NCL: variants seen among roughly 807,000 people sequenced by gnomAD.
NCL encodes nucleolin multifunctional protein.
NCL carries 4 observed loss-of-function variants against 77.7 expected under a neutral mutation model. The observed-to-expected ratio is 0.05, with a 90% confidence interval of 0.03 to 0.12. The LOEUF is 0.12. NCL is among the 10% of genes least tolerant of loss of function. The probability of loss-of-function intolerance (pLI) is 1.00; values close to 1 mark genes in which losing one functional copy is unlikely to be tolerated. For missense variants in NCL, 763 were observed against 860.9 expected, an observed-to-expected ratio of 0.89 and a Z score of 1.42; for synonymous variants, 344 against 297.8, an observed-to-expected ratio of 1.16 and a Z score of -1.60.
rs761115578 is a variant in NCL at position 231,455,385 on chromosome 2, T to C, written c.2056+16A>G. On this transcript the variant is annotated intron_variant, in intron 13 of 13. Transcript: ENST00000322723. ...GAGCACATGCTATGTGGTGTCATTATCTCTGCGTGCCTTACCTCCAAAGCC... is the reference window on the plus strand; with the variant it reads ...GAGCACATGCTATGTGGTGTCATTACCTCTGCGTGCCTTACCTCCAAAGCC... The C allele has an allele frequency of 1.2e-5, 19 of 1,613,788 alleles. No individual in the cohort carries two copies. The highest frequency in any genetic ancestry group is 1.0e-4 in the Admixed American group (6 of 60,000).
chr2:231,464,249 T>C (rs1486347776), intron 1 of NCL, 87 bp downstream of exon 1: 1 of 1,524,586 alleles, frequency 6.6e-7, no homozygotes, highest in East Asian at 2.5e-5. Flanking sequence ...CGCCCGGGAC[T>C]GCGCGCAGGC....
intron 2 of NCL, among the ~76,000 whole-genome samples, chr2:231,462,729 CAA>C (rs1483080806): frequency 2.0e-5 from 3 of 151,748 alleles, no homozygotes; most frequent in Non-Finnish European, 2.9e-5. Flanking sequence ...AATGGTAACA[CAA>C]AGAGAGGTGG....
chr2:231,460,733 G>A lies in NCL; in HGVS notation c.747C>T (p.Asp249=), dbSNP rs140908312. The A allele has an allele frequency of 1.8e-5, 29 of 1,609,580 alleles. No homozygotes were observed. Among genetic ancestry groups the A allele is most frequent in the African/African-American group, 1.2e-4 (9 of 74,706 alleles). The change falls in exon 4 of 14, where the codon GAC becomes GAT. Residue 249 remains aspartate, a synonymous_variant. Transcript: ENST00000322723. The part of the protein sequence containing the change: ...EEDDEDEDDD[D]DEDDEDDDDE... ...CATCATCATCTTCATCATCTTCGTC[G>A]TCGTCGTCATCCTCGTCCTCATCAT...
In NCL at chr2:231,460,188, T is replaced by C. The variant is rs137967789; in HGVS notation, c.1004A>G (p.Asp335Gly). The C allele has an allele frequency of 6.2e-6, 10 of 1,613,854 alleles. No homozygotes were observed. The East Asian group carries it at 6.7e-5, about 11-fold the overall frequency. ...AATTCTGACATCCACAACAGCAAGA[T>C]CATTTTTAGCAAAAACATCGCTGAT... ...TGISDVFAKN[D>G]LAVVDVRIGM... The change falls in exon 6 of 14, where the codon GAT becomes GGT. Residue 335 changes from aspartate (D) to glycine (G), a missense_variant. Physicochemically the swap from Asp to Gly is moderately conservative, Grantham distance 94. This residue lies in a region of NCL where 590 missense variants were observed against 570.5 expected (regional missense o/e 1.03). Transcript: ENST00000322723.
At position 231,461,547 on chromosome 2, in the gene NCL, CTCATCG is replaced by C. The variant is rs752592102; in HGVS notation, c.600_605del (p.Asp200_Asp201del). 1.7e-4 allele frequency: 277 copies of C among 1,613,476 alleles called. No homozygotes were observed. The highest frequency in any genetic ancestry group is 1.6e-3 in the Middle Eastern group (10 of 6,062). On this transcript the variant is annotated inframe_deletion, in exon 3 of 14. Transcript: ENST00000322723. Reference sequence around the variant, plus strand: ...ACCAAGACAACTCCTTACCATCTTCCTCATCGTCATCGTCATCCTCATCATCTTCGT... The same window carrying C: ...ACCAAGACAACTCCTTACCATCTTCCTCATCGTCATCCTCATCATCTTCGT...
intron 9 of NCL, 175 bp from the exon 10 acceptor site, chr2:231,457,299 C>T: frequency 1.1e-6 from 1 of 921,848 alleles, no homozygotes; most frequent in Non-Finnish European, 1.7e-6. Context: ...GTACGTGTTG[C>T]AATGTCCTGC....
At chr2:231,456,204 C>G (rs2046886264) in intron 11 of NCL, 68 bp from the exon 12 acceptor site, 1 of 1,583,300 alleles carries the variant, frequency 6.3e-7, no homozygotes, top group East Asian at 2.2e-5. Flanking sequence ...TGCACAATGC[C>G]TAGTATGACT....
intron 8 of NCL, 35 bp from the exon 9 acceptor site, chr2:231,457,835 A>G: frequency 6.4e-7 from 1 of 1,557,656 alleles, no homozygotes; most frequent in Non-Finnish European, 8.7e-7. Context: ...TGGTTTTTAA[A>G]ACCATATTAA....
In NCL at chr2:231,461,580, A is replaced by G. The variant is rs923595835; in HGVS notation, c.573T>C (p.Asp191=). ...APASEDEDDE[D]DEDDEDDDDD... ...CATCGTCATCCTCATCATCTTCGTC[A>G]TCCTCATCGTCCTCATCCTCTGAGG... The change falls in exon 3 of 14, where the codon GAT becomes GAC. Residue 191 remains aspartate, a synonymous_variant. Coordinates refer to ENST00000322723, the MANE Select transcript of NCL (RefSeq NM_005381.3). 164 of 1,612,504 alleles carry G rather than the reference A, an allele frequency of 1.0e-4. No homozygotes were observed. The highest frequency in any genetic ancestry group is 1.3e-4 in the Non-Finnish European group (156 of 1,178,644).
At position 231,460,739 on chromosome 2, in the gene NCL, GTCATCCTCGTCC is replaced by G. The variant is rs1559542105; in HGVS notation, c.729_740del (p.Glu243_Asp246del). The G allele has an allele frequency of 1.2e-6, 2 of 1,609,124 alleles. No individual in the cohort carries two copies. Among genetic ancestry groups the G allele is most frequent in the Non-Finnish European group, 1.7e-6 (2 of 1,175,802 alleles). ...CATCTTCATCATCTTCGTCGTCGTC[GTCATCCTCGTCC>G]TCATCATCCTCTTCTTCATCTTCAT... On this transcript the variant is annotated inframe_deletion, in exon 4 of 14. Coordinates refer to ENST00000322723, the MANE Select transcript of NCL (RefSeq NM_005381.3).
Position 231,460,770 on chromosome 2 carries a change from T to A in NCL, c.710A>T (p.Asp237Val), listed in dbSNP as rs570952728. The change falls in exon 4 of 14, where the codon GAT becomes GTT. Residue 237 changes from aspartate (D) to valine (V), a missense_variant. Transcript: ENST00000322723. ...VKAKNVAEDEDEEEDDEDEDD... is the reference protein window; with the variant it reads ...VKAKNVAEDEVEEEDDEDEDD... ...CTCGTCCTCATCATCCTCTTCTTCA[T>A]CTTCATCCTCAGCCACGTTCTTGGC... 5 of 1,614,152 alleles carry A rather than the reference T, an allele frequency of 3.1e-6. No individual in the cohort carries two copies. In the African/African-American group the frequency reaches 6.7e-5, roughly 22 times the overall value.
chr2:231,458,929 T>A lies in NCL; in HGVS notation c.1165+72A>T, dbSNP rs74622963. On this transcript the variant is annotated intron_variant, in intron 7 of 13. Coordinates refer to ENST00000322723, the MANE Select transcript of NCL (RefSeq NM_005381.3). ...AAAAATAAGAGGAAACCAAGGGAAA[T>A]GGGTTACAAAGCATTTTCCCTAGCA... 1,778 of 1,379,528 alleles carry A rather than the reference T, an allele frequency of 1.3e-3. 29 individuals are homozygous for A. In the East Asian group the frequency reaches 0.039, roughly 30 times the overall value. The allele number at this position is 1,379,528 out of a possible 1,614,324, so 85.5% of individuals were successfully genotyped here.
At position 231,455,165 on chromosome 2, in the gene NCL, G is replaced by A. The variant is rs376614647; in HGVS notation, c.*26C>T. On this transcript the variant is annotated 3_prime_UTR_variant, in exon 14 of 14. Coordinates refer to ENST00000322723, the MANE Select transcript of NCL (RefSeq NM_005381.3). Reference sequence around the variant, plus strand: ...ACCCCAGAGTCCTTTCTTTCAAATGGAAAAGGGAAAGCAGAGGGACAGAAG... The same window carrying A: ...ACCCCAGAGTCCTTTCTTTCAAATGAAAAAGGGAAAGCAGAGGGACAGAAG... The A allele has an allele frequency of 6.1e-5, 98 of 1,613,562 alleles. No homozygotes were observed. The African/African-American group carries it at 1.2e-3, about 20-fold the overall frequency.
intron 1 of NCL, chr2:231,463,931 CG>C (rs1453612181): frequency 9.0e-6 from 2 of 221,934 alleles, no homozygotes; most frequent in African/African-American, 4.7e-5. Context: ...CGCCATTTCC[CG>C]GCCCAAGGCA....
rs2046931411 is a variant in NCL at position 231,460,056 on chromosome 2, C to T, written c.1040+96G>A. Reference sequence around the variant, plus strand: ...AATCCTTGAAGATGTTTACAGTATTCATGTTTAACAGTAGCAGGCTAAAGT... The same window carrying T: ...AATCCTTGAAGATGTTTACAGTATTTATGTTTAACAGTAGCAGGCTAAAGT... On this transcript the variant is annotated intron_variant, in intron 6 of 13. Transcript: ENST00000322723. 7 of 1,313,330 alleles carry T rather than the reference C, an allele frequency of 5.3e-6. No homozygotes were observed. The South Asian group carries it at 9.9e-5, about 19-fold the overall frequency. 81.4% of individuals were successfully genotyped at this position (1,313,330 alleles called of 1,614,324 possible). A position where few individuals can be genotyped will look rare whatever the true frequency, so the allele number is the denominator to read the frequency against.
chr2:231,462,704 G>C, intron 2 of NCL: 1 of 390,944 alleles, frequency 2.6e-6, no homozygotes, highest in Non-Finnish European at 5.1e-6. Flanking sequence ...AAGGCCAGGA[G>C]TGCTAAAGAG....
chr2:231,457,159 A>T (rs775046164), intron 9 of NCL, 35 bp from the exon 10 acceptor site: 6 of 1,612,438 alleles, frequency 3.7e-6, no homozygotes, highest in Non-Finnish European at 5.1e-6. Flanking sequence ...TAAGACTCTG[A>T]AACAGTGGTT....
chr2:231,458,143 A>G, intron 8 of NCL, 123 bp downstream of exon 8: 2 of 1,341,394 alleles, frequency 1.5e-6, no homozygotes, highest in Admixed American at 2.5e-5. Flanking sequence ...ACTGAGGCAC[A>G]AACTTACAGG....
intron 1 of NCL, 180 bp from the exon 2 acceptor site, chr2:231,463,496 C>T: frequency 4.9e-6 from 3 of 606,276 alleles, no homozygotes; most frequent in Non-Finnish European, 5.8e-6. Flanking sequence ...TACTCTCAAC[C>T]GCCCACATTT....
Sources: gnomAD v4.1 joint callset for allele counts (sites outside exome capture counted in the v4.1 genomes callset) on GRCh38, gnomAD v4.1.1 for gene constraint, gnomAD v4.1.1 regional missense constraint, MANE v1.5 for transcripts, NCBI Gene and HGNC (gene_info 2026-07-23, HGNC 2026-07-21) for gene names.